PDIA4: variants seen among roughly 807,000 people sequenced by gnomAD.
The protein encoded by PDIA4 is protein disulfide isomerase family A member 4, also known as protein disulfide-isomerase A4.
A neutral mutation model predicts 62.1 loss-of-function variants in PDIA4; 33 were observed. The ratio of observed to expected loss-of-function variants is 0.53; its 90% CI spans 0.40 to 0.71. The LOEUF (loss-of-function observed/expected upper bound fraction) is 0.71, where lower values mean the gene tolerates loss of function less well. Ranked by LOEUF, PDIA4 falls within the 30% of genes least tolerant of loss-of-function variation. The pLI is 0.00. For missense variants in PDIA4, 804 were observed against 813.6 expected, an observed-to-expected ratio of 0.99 and a Z score of 0.14; for synonymous variants, 341 against 324.1, an observed-to-expected ratio of 1.05 and a Z score of -0.56.
intron 1 of PDIA4, among the ~76,000 whole-genome samples, chr7:149,023,172 CG>C (rs1199795216): frequency 6.6e-6 from 1 of 152,146 alleles, no homozygotes; most frequent in African/African-American, 2.4e-5. Flanking sequence ...CCTGGGGTCT[CG>C]GGACTGCGTG....
chr7:149,018,161 G>A (rs563729282), intron 3 of PDIA4, among the ~76,000 whole-genome samples: 6 of 152,102 alleles, frequency 3.9e-5, no homozygotes, highest in South Asian at 2.1e-4. Context: ...CCCAGGAGGC[G>A]GAGGTTGCAG....
intron 8 of PDIA4, 35 bp downstream of exon 8, chr7:149,005,862 C>A (rs760761083): frequency 9.6e-6 from 14 of 1,455,494 alleles, no homozygotes; most frequent in Non-Finnish European, 1.1e-5. Flanking sequence ...TCCCCCCACC[C>A]CCCACCCCCG....
intron 1 of PDIA4, among the ~76,000 whole-genome samples, chr7:149,025,729 A>G (rs1275067469): frequency 6.6e-6 from 1 of 152,194 alleles, no homozygotes; most frequent in Non-Finnish European, 1.5e-5. Flanking sequence ...TGGTGGAATC[A>G]TTTAGAGTTT....
intron 6 of PDIA4, among the ~76,000 whole-genome samples, chr7:149,011,139 CAGTT>C (rs571181535): frequency 2.6e-5 from 4 of 152,196 alleles, no homozygotes; most frequent in Non-Finnish European, 5.9e-5. Context: ...AAATTATAAT[CAGTT>C]AGCACTTAGC....
intron 4 of PDIA4, among the ~76,000 whole-genome samples, chr7:149,013,972 G>C (rs1824039080): frequency 1.3e-5 from 2 of 152,184 alleles, no homozygotes; most frequent in African/African-American, 2.4e-5. Context: ...ACAAGGGTCT[G>C]TGTCTCTCCA....
intron 1 of PDIA4, among the ~76,000 whole-genome samples, chr7:149,026,801 A>G (rs1387741206): frequency 0.012 from 845 of 72,074 alleles, 8 homozygotes; most frequent in African/African-American, 0.06. Context: ...CTTATCTAGG[A>G]AAAAAAAAAA....
At chr7:149,006,345 G>A (rs1823756423) in intron 7 of PDIA4, 2 of 328,894 alleles carry the variant, frequency 6.1e-6, no homozygotes, top group African/African-American at 4.4e-5. Context: ...ACTCAAGGTA[G>A]GCCTGGCTCT....
intron 1 of PDIA4, chr7:149,027,955 G>C (rs1824615662): frequency 2.0e-6 from 1 of 505,174 alleles, no homozygotes; most frequent in South Asian, 1.5e-5. Context: ...CACTGCCTGG[G>C]CGCGTTCGCC....
intron 3 of PDIA4, among the ~76,000 whole-genome samples, chr7:149,015,492 C>CAAAAAAAAAAAA (rs34656815): frequency 9.6e-6 from 1 of 104,420 alleles, no homozygotes; most frequent in Non-Finnish European, 2.0e-5. Flanking sequence ...AAGATGTATG[C>CAAAAAAAAAAAA]AAAAAAAAAA....
intron 6 of PDIA4, among the ~76,000 whole-genome samples, chr7:149,010,539 T>C (rs889115210): frequency 1.3e-5 from 2 of 152,136 alleles, no homozygotes; most frequent in African/African-American, 4.8e-5. Flanking sequence ...GCGCCTGTTT[T>C]AAGCCTCCAG....
chr7:149,005,433 C>T lies in PDIA4; in HGVS notation c.1289-59G>A, dbSNP rs545945583. The stretch of plus-strand genomic sequence containing the variant: ...CACACAGAGCAAGTCCCAGCTCAGA[C>T]TCTGAGGTCAGGCTTCAGGTCCTGT... On this transcript the variant is annotated intron_variant, in intron 8 of 9. Transcript: ENST00000652332. 65 of 1,103,774 alleles carry T rather than the reference C, an allele frequency of 5.9e-5. No homozygotes were observed. The African/African-American group carries it at 9.2e-4, about 16-fold the overall frequency. 68.4% of individuals were successfully genotyped at this position (1,103,774 alleles called of 1,614,324 possible).
chr7:149,006,007 G>T lies in PDIA4; in HGVS notation c.1178C>A (p.Ala393Asp). Reference protein sequence around the residue: ...SAIKDFVLKYALPLVGHRKVS... With the variant: ...SAIKDFVLKYDLPLVGHRKVS... ...CTTGCGGTGGCCAACCAGGGGCAGG[G>T]CGTACTTCAGCACGAAGTCCTTGAT... is the stretch of plus-strand genomic sequence containing the variant. The change falls in exon 8 of 10, where the codon GCC (alanine) becomes GAC (aspartate). Residue 393 changes from alanine to aspartate, a missense_variant. Ala to Asp is a moderately radical substitution (Grantham distance 126). Transcript: ENST00000652332. 2 of 1,555,206 alleles carry T rather than the reference G, an allele frequency of 1.3e-6. No homozygotes were observed. Among genetic ancestry groups the T allele is most frequent in the Non-Finnish European group, 1.7e-6 (2 of 1,158,250 alleles).
chr7:149,006,083 C>T, intron 7 of PDIA4, 30 bp from the exon 8 acceptor site: 2 of 1,531,888 alleles, frequency 1.3e-6, no homozygotes, highest in South Asian at 1.3e-5. Context: ...GGTGAGGGGG[C>T]CCACCATCTC....
chr7:149,025,257 A>T (rs1286109408), intron 1 of PDIA4, among the ~76,000 whole-genome samples: 1 of 151,996 alleles, frequency 6.6e-6, no homozygotes, highest in Middle Eastern at 3.2e-3. Context: ...AGGTTGCCTC[A>T]ATCCCTGTCC....
At position 149,014,934 on chromosome 7, in the gene PDIA4, T is replaced by C. The variant is rs746749079; in HGVS notation, c.584A>G (p.Asp195Gly). ...ENFDEVVNDA[D>G]IILVEFYAPW... ...GGCATAAAACTCCACCAGAATGATA[T>C]CTGCATCATTCACAACTTCATCAAA... The change falls in exon 4 of 10, where the codon GAT (aspartate) becomes GGT (glycine). Residue 195 changes from aspartate to glycine, a missense_variant. Physicochemically the swap from Asp to Gly is moderately conservative, Grantham distance 94. Transcript: ENST00000652332. 2 of 1,613,846 alleles carry C rather than the reference T, an allele frequency of 1.2e-6. No homozygotes were observed. The highest frequency in any genetic ancestry group is 1.7e-6 in the Non-Finnish European group (2 of 1,179,722).
At chr7:149,015,106 C>T (rs1824082819) in intron 3 of PDIA4, 64 bp from the exon 4 acceptor site, 1 of 1,558,772 alleles carries the variant, frequency 6.4e-7, no homozygotes, top group African/African-American at 1.4e-5. Flanking sequence ...CACCTCCCTC[C>T]AGAAGCAGAT....
rs188221785 is a variant in PDIA4 at position 149,020,929 on chromosome 7, C to T, written c.269+38G>A. ...GAAGGGCTGAGCGAATGGAGCACAG[C>T]GCTTGTCCACCTGCAGAAATTAGAA... On this transcript the variant is annotated intron_variant, in intron 2 of 9. Transcript: ENST00000652332. The T allele has an allele frequency of 6.2e-4, 994 of 1,604,528 alleles. 5 individuals carry two copies. The highest frequency in any genetic ancestry group is 5.0e-3 in the Middle Eastern group (30 of 6,018).
intron 1 of PDIA4, among the ~76,000 whole-genome samples, chr7:149,023,137 AC>A (rs1159671324): frequency 6.6e-6 from 1 of 152,146 alleles, no homozygotes; most frequent in East Asian, 1.9e-4. Context: ...ACAGAGAAAG[AC>A]AGCCTGGGCG....
chr7:149,004,162 T>C lies in PDIA4; in HGVS notation c.1570A>G (p.Lys524Glu), dbSNP rs1257498709. The change falls in exon 10 of 10, where the codon AAG (lysine) becomes GAG (glutamate). Residue 524 changes from lysine (K) to glutamate (E), a missense_variant. Physicochemically the swap from Lys to Glu is moderately conservative, Grantham distance 56. Coordinates refer to ENST00000652332, the MANE Select transcript of PDIA4 (RefSeq NM_004911.5). ...CCCACCACGACCTTGACGGGTCCCT[T>C]GTTGTTCTTGGGCACTGGCTGGGAT... ...IKSQPVPKNN[K>E]GPVKVVVGKT... 1 of 1,613,838 alleles carries C rather than the reference T, an allele frequency of 6.2e-7. No individual in the cohort carries two copies. Among genetic ancestry groups the C allele is most frequent in the Non-Finnish European group, 8.5e-7 (1 of 1,179,960 alleles).
Sources: gnomAD v4.1 joint callset for allele counts (sites outside exome capture counted in the v4.1 genomes callset) on GRCh38, gnomAD v4.1.1 for gene constraint, MANE v1.5 for transcripts, NCBI Gene and HGNC (gene_info 2026-07-23, HGNC 2026-07-21) for gene names.